Variants in TIPIN observed in about 807,000 individuals in gnomAD.
TIPIN encodes TIMELESS interacting protein.
TIPIN carries 29 observed loss-of-function variants against 35.6 expected under a neutral mutation model. The ratio of observed to expected loss-of-function variants is 0.82; its 90% CI spans 0.61 to 1.11. The LOEUF (loss-of-function observed/expected upper bound fraction) is 1.11. Ranked by LOEUF, TIPIN falls within the 50% of genes most tolerant of loss-of-function variation. The probability of loss-of-function intolerance (pLI) is 0.00; values close to 1 mark genes in which losing one functional copy is unlikely to be tolerated. For synonymous variants in TIPIN, 102 were observed against 121.5 expected (o/e 0.84, Z 1.06); for missense variants, 296 against 345.4 (o/e 0.86, Z 1.13).
intron 6 of TIPIN, chr15:66,347,257 G>A (rs757551560): frequency 4.6e-5 from 24 of 518,546 alleles, no homozygotes; most frequent in East Asian, 3.8e-4. Flanking sequence ...AGACCCTGTC[G>A]GCAGGAACCA....
At chr15:66,344,157 G>A (rs1252483685) in intron 6 of TIPIN, among the ~76,000 whole-genome samples, 1 of 151,968 alleles carries the variant, frequency 6.6e-6, no homozygotes, top group Admixed American at 6.6e-5. Context: ...GAGTACAGTG[G>A]TATGATCATA....
chr15:66,352,976 T>A lies in TIPIN; in HGVS notation c.-8-21A>T, dbSNP rs139314478. 3.4e-4 allele frequency: 548 copies of A among 1,604,426 alleles called. 4 individuals are homozygous for A. The Admixed American group carries it at 4.6e-3, about 13-fold the overall frequency. On this transcript the variant is annotated intron_variant, in intron 1 of 7. Coordinates refer to ENST00000261881, the MANE Select transcript of TIPIN (RefSeq NM_017858.3). ...TTCCTCTAGGGGAAAAAATTAAAGT[T>A]ATTTGTATTCATCCAAAATAGTCTC...
At chr15:66,353,086 T>G in intron 1 of TIPIN, 131 bp from the exon 2 acceptor site, 1 of 817,618 alleles carries the variant, frequency 1.2e-6, no homozygotes, top group Non-Finnish European at 1.8e-6. Flanking sequence ...TCATGAAAAG[T>G]AGAGAAGATA....
intron 1 of TIPIN, among the ~76,000 whole-genome samples, chr15:66,381,715 C>T (rs2093319237): frequency 6.6e-6 from 1 of 152,112 alleles, no homozygotes; most frequent in Non-Finnish European, 1.5e-5. Context: ...ATTACTGAAT[C>T]AAAGTGTGTG....
At chr15:66,384,569 C>T (rs896508921) in intron 1 of TIPIN, among the ~76,000 whole-genome samples, 1 of 151,982 alleles carries the variant, frequency 6.6e-6, no homozygotes, top group African/African-American at 2.4e-5. Context: ...GCTGGGATTA[C>T]AGGTGGTAGC....
intron 4 of TIPIN, among the ~76,000 whole-genome samples, chr15:66,349,945 GT>G (rs982473406): frequency 3.1e-5 from 3 of 97,366 alleles, no homozygotes; most frequent in East Asian, 5.0e-4. Flanking sequence ...GGATACAGGG[GT>G]TTTTTTTGTT....
In TIPIN at chr15:66,340,525, T is replaced by C. The variant is rs904707474; in HGVS notation, c.682+625A>G. Among the ~76,000 whole-genome samples, 5 of 152,074 alleles carry C rather than the reference T, an allele frequency of 3.3e-5. No individual in the cohort carries two copies. In the East Asian group the frequency reaches 5.8e-4, roughly 18 times the overall value. ...ATAATTATTGTCCTAAAGGTAATAGTATATGGCACATGCTTTAAGGAGTCA... is the reference window on the plus strand; with the variant it reads ...ATAATTATTGTCCTAAAGGTAATAGCATATGGCACATGCTTTAAGGAGTCA... On this transcript the variant is annotated intron_variant, in intron 7 of 7. Coordinates refer to ENST00000261881, the MANE Select transcript of TIPIN (RefSeq NM_017858.3).
At chr15:66,383,747 G>A (rs1027048706) in intron 1 of TIPIN, 11 of 198,894 alleles carry the variant, frequency 5.5e-5, no homozygotes, top group African/African-American at 2.1e-4. Context: ...CAGCAGATAT[G>A]TAGGATGAAG....
At chr15:66,339,300 G>A (rs977510235) in intron 7 of TIPIN, among the ~76,000 whole-genome samples, 76 of 149,332 alleles carry the variant, frequency 5.1e-4, no homozygotes, top group African/African-American at 1.8e-3. Flanking sequence ...TTGTAGAGAC[G>A]GGGACTCACT....
intron 1 of TIPIN, among the ~76,000 whole-genome samples, chr15:66,381,786 G>A (rs1036492407): frequency 1.3e-5 from 2 of 152,116 alleles, no homozygotes; most frequent in South Asian, 2.1e-4. Flanking sequence ...TCCTTTGGCC[G>A]GGCACGGTGG....
intron 1 of TIPIN, among the ~76,000 whole-genome samples, chr15:66,369,725 T>G (rs567002122): frequency 6.6e-6 from 1 of 152,310 alleles, no homozygotes; most frequent in East Asian, 1.9e-4. Context: ...AACCTTTTCA[T>G]GCAAATTCTC....
Position 66,349,428 on chromosome 15 carries a change from A to G in TIPIN, c.298T>C (p.Leu100=). ...FKGKGHEAED[L]KMLIRHMEHW... is the part of the protein sequence containing the mutation. ...TCCATGTGTCTGATTAGCATCTTCA[A>G]GTCTTCAGCCTGCCACATAAAAATA... The change falls in exon 5 of 8, where the codon TTG becomes CTG. Residue 100 remains leucine, a synonymous_variant. Transcript: ENST00000261881. 1 of 1,611,536 alleles carries G rather than the reference A, an allele frequency of 6.2e-7. No homozygotes were observed. The highest frequency in any genetic ancestry group is 8.5e-7 in the Non-Finnish European group (1 of 1,179,500).
chr15:66,363,372 G>T (rs927971924), intron 1 of TIPIN, among the ~76,000 whole-genome samples: 19 of 151,984 alleles, frequency 1.3e-4, no homozygotes, highest in African/African-American at 3.9e-4. Flanking sequence ...GGCCGGGCAC[G>T]GTGGCTCACA....
intron 1 of TIPIN, 54 bp downstream of exon 1, chr15:66,356,585 G>A: frequency 1.0e-6 from 1 of 984,304 alleles, no homozygotes; most frequent in Non-Finnish European, 1.2e-6. Context: ...TCCCTGGCTA[G>A]TCCGACTCCC....
upstream of TIPIN, among the ~76,000 whole-genome samples, chr15:66,361,211 C>T (rs1376393128): frequency 6.6e-6 from 1 of 150,984 alleles, no homozygotes; most frequent in Non-Finnish European, 1.5e-5. Flanking sequence ...GGATCATTAC[C>T]AAGTATTCCT....
intron 1 of TIPIN, among the ~76,000 whole-genome samples, chr15:66,382,123 CCATTT>C (rs1489151848): frequency 3.3e-5 from 5 of 152,110 alleles, no homozygotes; most frequent in Non-Finnish European, 7.4e-5. Context: ...ATCACCATCA[CCATTT>C]ATTTAGCTCC....
chr15:66,362,039 C>T (rs1595809271), intron 1 of TIPIN, among the ~76,000 whole-genome samples: 1 of 151,860 alleles, frequency 6.6e-6, no homozygotes, highest in South Asian at 2.1e-4. Flanking sequence ...CACAGTGGCT[C>T]ATGCCTGTAA....
chr15:66,363,110 G>T (rs760033755), intron 1 of TIPIN, among the ~76,000 whole-genome samples: 12 of 152,198 alleles, frequency 7.9e-5, no homozygotes, highest in Non-Finnish European at 1.3e-4. Flanking sequence ...GGGTGCGGTG[G>T]TTCACATCTG....
intron 6 of TIPIN, 142 bp from the exon 7 acceptor site, chr15:66,341,498 G>T (rs1201186968): frequency 0.019 from 123 of 6,530 alleles, 1 homozygote; most frequent in South Asian, 0.071. Flanking sequence ...GCCGGGCGCG[G>T]TGGCTCACGC....
Sources: gnomAD v4.1 joint callset for allele counts (sites outside exome capture counted in the v4.1 genomes callset) on GRCh38, gnomAD v4.1.1 for gene constraint, MANE v1.5 for transcripts, NCBI Gene and HGNC (gene_info 2026-07-23, HGNC 2026-07-21) for gene names.